The following STARD10 variants were observed in gnomAD, a reference collection of about 807,000 sequenced individuals.
The protein encoded by STARD10 is StAR related lipid transfer domain containing 10, also known as START domain-containing protein 10.
Under a neutral mutation model 36.0 loss-of-function variants are expected in STARD10, and 24 were observed. The ratio of observed to expected loss-of-function variants is 0.67; its 90% CI spans 0.48 to 0.94. STARD10 has a LOEUF of 0.94. STARD10 is among the 40% of genes least tolerant of loss of function. The pLI is 0.00. For missense variants in STARD10, 335 were observed against 396.6 expected (o/e 0.84, Z 1.32); for synonymous variants, 156 against 161.9 (o/e 0.96, Z 0.28).
At position 72,780,972 on chromosome 11, in the gene STARD10, T is replaced by C. The variant is rs1179163353; in HGVS notation, c.207+3A>G. 4 of 1,614,104 alleles carry C rather than the reference T, an allele frequency of 2.5e-6. No homozygotes were observed. The highest frequency in any genetic ancestry group is 1.7e-5 in the Admixed American group (1 of 60,026). On this transcript the variant is annotated splice_donor_region_variant and intron_variant, in intron 2 of 6. Coordinates refer to ENST00000334805, the MANE Select transcript of STARD10 (RefSeq NM_006645.3). ...AGGCTGCAGGTATAGCGGGCAACCCTACCTTGATCTTGTGCAGCGTCCGAT... is the reference window on the plus strand; with the variant it reads ...AGGCTGCAGGTATAGCGGGCAACCCCACCTTGATCTTGTGCAGCGTCCGAT...
intron 2 of STARD10, 141 bp downstream of exon 2, chr11:72,780,834 T>C: frequency 1.1e-6 from 1 of 881,394 alleles, no homozygotes; most frequent in Non-Finnish European, 1.8e-6. Flanking sequence ...GCAGACTGTG[T>C]CTCCTCCCGG....
rs568312324 is a variant in STARD10 at position 72,774,564 on chromosome 11, G to A, written c.207+6411C>T. Reference sequence around the variant, plus strand: ...GAGGGGATGAAGGGAGGCACCAGGAGGGGTGGGGCTGTCTCAAGCCCAACA... The same window carrying A: ...GAGGGGATGAAGGGAGGCACCAGGAAGGGTGGGGCTGTCTCAAGCCCAACA... On this transcript the variant is annotated intron_variant, in intron 2 of 6. Coordinates refer to ENST00000334805, the MANE Select transcript of STARD10 (RefSeq NM_006645.3). 5.9e-5 allele frequency among the ~76,000 whole-genome samples: 9 copies of A among 152,356 alleles called. No homozygotes were observed. In the South Asian group the frequency reaches 1.9e-3, roughly 32 times the overall value.
At chr11:72,765,412 G>A (rs1283453725) in intron 2 of STARD10, among the ~76,000 whole-genome samples, 1 of 152,000 alleles carries the variant, frequency 6.6e-6, no homozygotes, top group East Asian at 1.9e-4. Flanking sequence ...GAACCCCTGG[G>A]ACCAGCACTG....
intron 2 of STARD10, among the ~76,000 whole-genome samples, chr11:72,760,508 A>T (rs985543197): frequency 6.6e-6 from 1 of 152,212 alleles, no homozygotes; most frequent in African/African-American, 2.4e-5. Flanking sequence ...TTACAGGCAT[A>T]AGCCGCCGCG....
At chr11:72,782,531 C>A in intron 1 of STARD10, 1 of 152,654 alleles carries the variant, frequency 6.6e-6, no homozygotes. Flanking sequence ...CCACCAGCAC[C>A]CCTTCTCAGC....
intron 1 of STARD10, among the ~76,000 whole-genome samples, chr11:72,786,372 A>G (rs1424293979): frequency 6.6e-6 from 1 of 152,018 alleles, no homozygotes; most frequent in Admixed American, 6.6e-5. Flanking sequence ...AAAAAAGGAA[A>G]AAAAAGGTTC....
chr11:72,788,421 A>G (rs1349530758), intron 1 of STARD10, among the ~76,000 whole-genome samples: 1 of 152,130 alleles, frequency 6.6e-6, no homozygotes, highest in Non-Finnish European at 1.5e-5. Flanking sequence ...CGAGTGACTG[A>G]GGCCTATGTG....
At chr11:72,759,974 G>A (rs1468636473) in intron 2 of STARD10, among the ~76,000 whole-genome samples, 1 of 151,866 alleles carries the variant, frequency 6.6e-6, no homozygotes, top group South Asian at 2.1e-4. Flanking sequence ...GCAGTGGCGC[G>A]ATCTTGGCTC....
intron 3 of STARD10, 106 bp downstream of exon 3, chr11:72,759,128 G>A (rs1342672912): frequency 1.4e-6 from 2 of 1,393,894 alleles, no homozygotes; most frequent in Non-Finnish European, 2.0e-6. Context: ...TCTCCGAGCA[G>A]CTTGGTCATG....
chr11:72,774,260 T>C (rs1858902295), intron 2 of STARD10, among the ~76,000 whole-genome samples: 1 of 152,172 alleles, frequency 6.6e-6, no homozygotes, highest in South Asian at 2.1e-4. Flanking sequence ...GTGCAGACAT[T>C]GCTCACTGAC....
At chr11:72,792,368 T>C (rs1859158046) in intron 1 of STARD10, among the ~76,000 whole-genome samples, 1 of 152,080 alleles carries the variant, frequency 6.6e-6, no homozygotes. Context: ...CTGGGATATC[T>C]TGAAGGATCT....
intron 1 of STARD10, chr11:72,782,383 C>T (rs1228001512): frequency 6.6e-6 from 1 of 152,206 alleles, no homozygotes; most frequent in Non-Finnish European, 1.5e-5. Flanking sequence ...GCTGTGCAAA[C>T]CCAGCAGGAA....
chr11:72,789,299 A>G (rs1859113286), intron 1 of STARD10, among the ~76,000 whole-genome samples: 1 of 152,150 alleles, frequency 6.6e-6, no homozygotes, highest in Non-Finnish European at 1.5e-5. Flanking sequence ...TCAGTTCCTG[A>G]GCTTCCTTCC....
At chr11:72,778,058 G>C (rs547165786) in intron 2 of STARD10, among the ~76,000 whole-genome samples, 1 of 152,208 alleles carries the variant, frequency 6.6e-6, no homozygotes, top group Admixed American at 6.5e-5. Flanking sequence ...GGTGACCTTG[G>C]CAAGCCACTC....
At chr11:72,775,744 C>A (rs905518826) in intron 2 of STARD10, among the ~76,000 whole-genome samples, 1 of 152,082 alleles carries the variant, frequency 6.6e-6, no homozygotes, top group Admixed American at 6.5e-5. Context: ...CCATCCCCCA[C>A]CTCCAGCACA....
intron 1 of STARD10, among the ~76,000 whole-genome samples, chr11:72,788,852 C>T (rs953952373): frequency 6.6e-6 from 1 of 152,012 alleles, no homozygotes; most frequent in Non-Finnish European, 1.5e-5. Flanking sequence ...TGAGCCCCTG[C>T]TCCCAGCCCA....
chr11:72,780,330 T>C (rs1196562793), intron 2 of STARD10: 1 of 398,414 alleles, frequency 2.5e-6, no homozygotes, highest in Non-Finnish European at 5.2e-6. Flanking sequence ...TATGTTGGCT[T>C]CCCTTGACCC....
At chr11:72,772,366 G>A (rs577288473) in intron 2 of STARD10, among the ~76,000 whole-genome samples, 53 of 150,696 alleles carry the variant, frequency 3.5e-4, no homozygotes, top group Non-Finnish European at 5.0e-4. Context: ...TGTGCCTGGC[G>A]CTGCCATAGG....
intron 2 of STARD10, among the ~76,000 whole-genome samples, chr11:72,761,605 C>T (rs1033063026): frequency 7.2e-4 from 110 of 151,914 alleles, no homozygotes; most frequent in Admixed American, 2.8e-3. Context: ...ATTATCTGGG[C>T]GTAGTGGCAC....
Sources: allele counts gnomAD v4.1 joint callset (sites outside exome capture counted in the v4.1 genomes callset), GRCh38; gene constraint gnomAD v4.1.1; transcripts MANE v1.5; gene names NCBI Gene and HGNC (gene_info 2026-07-23, HGNC 2026-07-21).